TASP1: variants seen among roughly 807,000 people sequenced by gnomAD.
The protein encoded by TASP1 is taspase 1, also known as threonine aspartase 1.
TASP1 carries 16 observed loss-of-function variants against 56.6 expected under a neutral mutation model. That is an observed-to-expected ratio of 0.28 (90% CI 0.19 to 0.43). TASP1 has a LOEUF of 0.43. TASP1 is among the 20% of genes least tolerant of loss of function. TASP1 has a pLI of 1.00. For missense variants in TASP1, 393 were observed against 511.6 expected, an observed-to-expected ratio of 0.77 and a Z score of 2.24; for synonymous variants, 179 against 184.2, an observed-to-expected ratio of 0.97 and a Z score of 0.23.
intron 12 of TASP1, among the ~76,000 whole-genome samples, chr20:13,434,100 C>G (rs2042920719): frequency 6.6e-6 from 1 of 151,676 alleles, no homozygotes; most frequent in Non-Finnish European, 1.5e-5. Flanking sequence ...GGATAAAGAC[C>G]AGAAGGTGTC....
At chr20:13,214,546 CACACACACACACACACAGAG>C in the TASP1 span, among the ~76,000 whole-genome samples, 5 of 133,704 alleles carry the variant, frequency 3.7e-5, no homozygotes, top group Non-Finnish European at 6.2e-5. Context: ...CACACACACA[CACACACACACACACACAGAG>C]AGAGAGAGAG....
At chr20:13,581,827 A>C (rs182706903) in intron 5 of TASP1, among the ~76,000 whole-genome samples, 1 of 152,174 alleles carries the variant, frequency 6.6e-6, no homozygotes, top group Non-Finnish European at 1.5e-5. Flanking sequence ...CAATTCTGTC[A>C]TGTAACCACA....
chr20:13,154,968 G>A, the TASP1 span, among the ~76,000 whole-genome samples: 2 of 152,006 alleles, frequency 1.3e-5, no homozygotes, highest in African/African-American at 4.8e-5. Flanking sequence ...ATCACCTGAG[G>A]TCAGGAGTTC....
rs551030804 is a variant in TASP1 at position 13,390,264 on chromosome 20, A to G, written c.*96T>C. The G allele has an allele frequency of 5.2e-5, 59 of 1,144,138 alleles. No individual in the cohort carries two copies. In the South Asian group the frequency reaches 7.3e-4, roughly 14 times the overall value. The allele number at this position is 1,144,138 out of a possible 1,614,324, so 70.9% of individuals were successfully genotyped here. On this transcript the variant is annotated 3_prime_UTR_variant, in exon 14 of 14. Coordinates refer to ENST00000337743, the MANE Select transcript of TASP1 (RefSeq NM_017714.3). ...TGCACGAGGTTGCAATAGGAATTAT[A>G]AAACAAGAAAGATAAAACAACCAAC...
intron 8 of TASP1, among the ~76,000 whole-genome samples, chr20:13,548,008 G>A (rs2045866104): frequency 1.3e-5 from 2 of 151,878 alleles, no homozygotes; most frequent in Non-Finnish European, 2.9e-5. Flanking sequence ...GAAGGAAGGA[G>A]ACAGGCAACA....
chr20:13,137,660 A>G, the TASP1 span, among the ~76,000 whole-genome samples: 1 of 152,170 alleles, frequency 6.6e-6, no homozygotes, highest in African/African-American at 2.4e-5. Context: ...TATTCTGTTC[A>G]TTGAAGTAGT....
chr20:13,423,557 T>C (rs2042519063), intron 12 of TASP1, among the ~76,000 whole-genome samples: 1 of 152,178 alleles, frequency 6.6e-6, no homozygotes, highest in South Asian at 2.1e-4. Flanking sequence ...GAATAATGTA[T>C]AGATATGGTT....
At chr20:13,558,867 A>T (rs1016830208) in intron 8 of TASP1, 141 bp downstream of exon 8, 4 of 419,220 alleles carry the variant, frequency 9.5e-6, no homozygotes, top group Non-Finnish European at 1.3e-5. Context: ...CATATTTTTA[A>T]TGTAGCTACT....
At chr20:13,423,961 A>G (rs1197493085) in intron 12 of TASP1, among the ~76,000 whole-genome samples, 1 of 152,172 alleles carries the variant, frequency 6.6e-6, no homozygotes, top group East Asian at 1.9e-4. Context: ...TCTCATGATT[A>G]TCTAAAACAT....
intron 11 of TASP1, among the ~76,000 whole-genome samples, chr20:13,468,627 T>C (rs191888119): frequency 2.6e-5 from 4 of 152,282 alleles, no homozygotes; most frequent in Admixed American, 2.6e-4. Flanking sequence ...TCAGACTAAT[T>C]AGTCAATATA....
At chr20:13,259,706 A>G in the TASP1 span, among the ~76,000 whole-genome samples, 3 of 152,248 alleles carry the variant, frequency 2.0e-5, no homozygotes, top group South Asian at 2.1e-4. Context: ...AAACATTTCT[A>G]TATCTACAGA....
chr20:13,255,731 G>T, the TASP1 span, among the ~76,000 whole-genome samples: 3 of 152,106 alleles, frequency 2.0e-5, no homozygotes, highest in Non-Finnish European at 4.4e-5. Context: ...CTCAACTTCA[G>T]CCATTACTTG....
intron 11 of TASP1, among the ~76,000 whole-genome samples, chr20:13,473,148 T>C (rs577921407): frequency 2.6e-4 from 39 of 152,280 alleles, no homozygotes; most frequent in Non-Finnish European, 4.6e-4. Context: ...CATGGAATAC[T>C]ATGCAGCCAT....
intron 11 of TASP1, among the ~76,000 whole-genome samples, chr20:13,465,480 C>T (rs1264801783): frequency 1.3e-5 from 2 of 151,962 alleles, no homozygotes; most frequent in Non-Finnish European, 2.9e-5. Flanking sequence ...GAAATGAAAA[C>T]TCATGCGAAC....
At chr20:13,457,515 A>G (rs1464287924) in intron 11 of TASP1, among the ~76,000 whole-genome samples, 1 of 152,156 alleles carries the variant, frequency 6.6e-6, no homozygotes, top group African/African-American at 2.4e-5. Flanking sequence ...ATTAACCTAA[A>G]TTTACATGAA....
At chr20:13,613,888 G>A (rs2048434598) in intron 4 of TASP1, among the ~76,000 whole-genome samples, 1 of 152,008 alleles carries the variant, frequency 6.6e-6, no homozygotes, top group South Asian at 2.1e-4. Context: ...TTGCAAATCA[G>A]AGGTTCAATT....
At chr20:13,187,027 A>C in the TASP1 span, among the ~76,000 whole-genome samples, 3 of 152,220 alleles carry the variant, frequency 2.0e-5, no homozygotes, top group East Asian at 1.9e-4. Context: ...AAGAGAGATA[A>C]AACTCTAAGA....
the TASP1 span, among the ~76,000 whole-genome samples, chr20:13,226,690 C>G: frequency 6.6e-6 from 1 of 152,196 alleles, no homozygotes; most frequent in East Asian, 1.9e-4. Flanking sequence ...TAGGTTTGCT[C>G]TCCATATAAT....
At chr20:13,538,298 C>T (rs142885621) in intron 8 of TASP1, among the ~76,000 whole-genome samples, 31 of 152,274 alleles carry the variant, frequency 2.0e-4, no homozygotes, top group Non-Finnish European at 3.4e-4. Context: ...GCCACCAGGC[C>T]CAGCCCCATC....
Sources: allele counts gnomAD v4.1 joint callset (sites outside exome capture counted in the v4.1 genomes callset), GRCh38; gene constraint gnomAD v4.1.1; transcripts MANE v1.5; gene names NCBI Gene and HGNC (gene_info 2026-07-23, HGNC 2026-07-21).